Variants in NELL2 observed in about 807,000 individuals in gnomAD.
The protein encoded by NELL2 is neural EGFL like 2.
Under a neutral mutation model 109.6 loss-of-function variants are expected in NELL2, and 41 were observed. That is an observed-to-expected ratio of 0.37 (90% CI 0.29 to 0.49). The LOEUF (loss-of-function observed/expected upper bound fraction) is 0.49, where lower values mean the gene tolerates loss of function less well. NELL2 is among the 20% of genes least tolerant of loss of function. NELL2 has a pLI of 0.98. For missense variants in NELL2, 900 were observed against 1,008.3 expected (o/e 0.89, Z 1.45); for synonymous variants, 355 against 344.7 (o/e 1.03, Z -0.33).
intron 9 of NELL2, among the ~76,000 whole-genome samples, chr12:44,757,103 C>T (rs1940924392): frequency 6.6e-6 from 1 of 152,176 alleles, no homozygotes; most frequent in Admixed American, 6.5e-5. Context: ...TTGCACAAGT[C>T]TGAAATATGA....
rs561294675 is a variant in NELL2 at position 44,642,652 on chromosome 12, C to T, written c.1444+22832G>A. Among the ~76,000 whole-genome samples, 401 of 152,232 alleles carry T rather than the reference C, an allele frequency of 2.6e-3. 4 individuals carry two copies. Among genetic ancestry groups the T allele is most frequent in the African/African-American group, 8.1e-3 (336 of 41,548 alleles). ...ATCCCAGCACTCTGGGATGCTGAGG[C>T]GGGCGGATCACCTAAGGTCAGGAGT... On this transcript the variant is annotated intron_variant, in intron 13 of 19. Transcript: ENST00000429094.
chr12:44,734,292 A>G (rs1351988261), intron 9 of NELL2, among the ~76,000 whole-genome samples: 1 of 151,868 alleles, frequency 6.6e-6, no homozygotes, highest in African/African-American at 2.4e-5. Context: ...AGGGAAAAAT[A>G]CCTTTCTTTT....
At chr12:44,640,421 T>C (rs549937763) in intron 13 of NELL2, among the ~76,000 whole-genome samples, 1 of 152,344 alleles carries the variant, frequency 6.6e-6, no homozygotes, top group African/African-American at 2.4e-5. Context: ...GATCTGTCCA[T>C]CTCTACAAAT....
chr12:44,850,470 T>C (rs942547648), intron 2 of NELL2, among the ~76,000 whole-genome samples: 6 of 152,126 alleles, frequency 3.9e-5, no homozygotes, highest in African/African-American at 1.4e-4. Flanking sequence ...AAAACTATAA[T>C]ATATTAGTGG....
chr12:44,843,633 T>G (rs1350429459), intron 2 of NELL2, among the ~76,000 whole-genome samples: 1 of 152,218 alleles, frequency 6.6e-6, no homozygotes, highest in Non-Finnish European at 1.5e-5. Flanking sequence ...TATAAAAGAC[T>G]GAAATTTGTT....
rs1222815405 is a variant in NELL2 at position 44,816,050 on chromosome 12, C to T, written c.271G>A (p.Val91Met). ...TTTAAGTGGGTCTGTTTTAGGGTCA[C>T]CAAAATAGTAAATTCATGTTTATTT... ...LRNKHEFTIL[V>M]TLKQTHLNSG... The change falls in exon 3 of 20, where the codon GTG (valine) becomes ATG (methionine). Residue 91 changes from valine (V) to methionine (M), a missense_variant. This residue lies in a region of NELL2 where 200 missense variants were observed against 191.8 expected (regional missense o/e 1.04). Transcript: ENST00000429094. 1.2e-6 allele frequency: 2 copies of T among 1,613,402 alleles called. No individual in the cohort carries two copies. The highest frequency in any genetic ancestry group is 1.7e-6 in the Non-Finnish European group (2 of 1,179,810).
chr12:44,728,632 A>C (rs372449660), intron 9 of NELL2, among the ~76,000 whole-genome samples: 10 of 152,260 alleles, frequency 6.6e-5, no homozygotes, highest in South Asian at 6.2e-4. Flanking sequence ...CAAGAAGCCA[A>C]AATAACTTCA....
chr12:44,790,920 G>T (rs1265896141), intron 3 of NELL2, among the ~76,000 whole-genome samples: 1 of 149,792 alleles, frequency 6.7e-6, no homozygotes, highest in East Asian at 2.0e-4. Flanking sequence ...GACAAAAAGG[G>T]ACATTATATA....
intron 13 of NELL2, among the ~76,000 whole-genome samples, chr12:44,636,721 C>G (rs1351939681): frequency 6.6e-6 from 1 of 152,138 alleles, no homozygotes; most frequent in Non-Finnish European, 1.5e-5. Context: ...CAATGTTCAT[C>G]AGGGATATTG....
At chr12:44,554,585 C>T (rs910115743) in intron 15 of NELL2, among the ~76,000 whole-genome samples, 1 of 152,108 alleles carries the variant, frequency 6.6e-6, no homozygotes, top group African/African-American at 2.4e-5. Context: ...AAACTTTACA[C>T]TTTAAATATG....
intron 15 of NELL2, among the ~76,000 whole-genome samples, chr12:44,542,734 A>G (rs759174082): frequency 6.6e-6 from 1 of 152,168 alleles, no homozygotes; most frequent in Non-Finnish European, 1.5e-5. Flanking sequence ...TTCAGTCTGC[A>G]TTCAGTCAGG....
At chr12:44,861,862 A>C (rs1944853244) in intron 2 of NELL2, among the ~76,000 whole-genome samples, 1 of 152,206 alleles carries the variant, frequency 6.6e-6, no homozygotes, top group African/African-American at 2.4e-5. Flanking sequence ...GAACTGGCTG[A>C]CTGGTGAAGA....
intron 13 of NELL2, among the ~76,000 whole-genome samples, chr12:44,626,470 C>A (rs1442926244): frequency 1.3e-5 from 2 of 152,278 alleles, no homozygotes; most frequent in East Asian, 3.9e-4. Context: ...ACTTCTTTTA[C>A]CTGGATTTAT....
intron 9 of NELL2, among the ~76,000 whole-genome samples, chr12:44,757,194 C>T (rs1566322561): frequency 6.6e-6 from 1 of 152,146 alleles, no homozygotes; most frequent in African/African-American, 2.4e-5. Context: ...CTCATATATA[C>T]GAATCCATTT....
chr12:44,909,852 C>T (rs431831), intron 1 of NELL2, among the ~76,000 whole-genome samples: 5,524 of 151,452 alleles, frequency 0.036, 225 homozygotes, highest in African/African-American at 0.091. Flanking sequence ...TGATACTCAA[C>T]CAAGACAACA....
chr12:44,743,217 G>A (rs1016547093), intron 9 of NELL2, among the ~76,000 whole-genome samples: 3 of 152,060 alleles, frequency 2.0e-5, no homozygotes, highest in Admixed American at 1.3e-4. Context: ...CATAAATGAA[G>A]GAGAAATAAA....
chr12:44,765,741 T>G (rs1257194371), intron 9 of NELL2, among the ~76,000 whole-genome samples: 3 of 152,222 alleles, frequency 2.0e-5, no homozygotes, highest in Non-Finnish European at 2.9e-5. Flanking sequence ...TATTTTTTTA[T>G]AGTTAAATAT....
At chr12:44,863,369 A>C (rs1477196512) in intron 2 of NELL2, among the ~76,000 whole-genome samples, 4 of 152,234 alleles carry the variant, frequency 2.6e-5, no homozygotes, top group Non-Finnish European at 5.9e-5. Context: ...TTATAATCAA[A>C]CTGTCAAAAA....
intron 1 of NELL2, among the ~76,000 whole-genome samples, chr12:44,908,676 T>A (rs1945747021): frequency 6.6e-6 from 1 of 151,938 alleles, no homozygotes; most frequent in African/African-American, 2.4e-5. Flanking sequence ...GCTAAAATAC[T>A]CCATAAATGA....
Sources: allele counts gnomAD v4.1 joint callset (sites outside exome capture counted in the v4.1 genomes callset), GRCh38; gene constraint gnomAD v4.1.1; regional missense constraint gnomAD v4.1.1; transcripts MANE v1.5; gene names NCBI Gene and HGNC (gene_info 2026-07-23, HGNC 2026-07-21).